RIMS2: variants seen among roughly 807,000 people sequenced by gnomAD.
RIMS2 encodes the protein regulating synaptic membrane exocytosis protein 2.
RIMS2 carries 59 observed loss-of-function variants against 174.4 expected under a neutral mutation model. The ratio of observed to expected loss-of-function variants is 0.34; its 90% CI spans 0.27 to 0.42. The LOEUF is 0.42. Among genes scored for constraint, RIMS2 ranks in the 10% least tolerant of loss-of-function variants. The pLI, the probability that RIMS2 is intolerant of heterozygous loss-of-function variation, is 1.00. For synonymous variants in RIMS2, 606 were observed against 572.5 expected, an observed-to-expected ratio of 1.06 and a Z score of -0.84; for missense variants, 1,620 against 1,666.3, an observed-to-expected ratio of 0.97 and a Z score of 0.48.
At chr8:103,832,321 T>C (rs868124343) in intron 3 of RIMS2, among the ~76,000 whole-genome samples, 1 of 152,228 alleles carries the variant, frequency 6.6e-6, no homozygotes, top group Non-Finnish European at 1.5e-5. Flanking sequence ...GGTTTTCTTC[T>C]ACTTTTGTTT....
In RIMS2 at chr8:104,249,718, C is replaced by G. The variant is rs1447063; in HGVS notation, c.3691+130C>G. 107,075 of 597,884 alleles carry G rather than the reference C, an allele frequency of 0.18. 11,632 individuals carry two copies. The highest frequency in any genetic ancestry group is 0.23 in the Non-Finnish European group (76,882 of 333,764). The allele number at this position is 597,884 out of a possible 1,614,324, so 37.0% of individuals were successfully genotyped here. On this transcript the variant is annotated intron_variant, in intron 22 of 23. Coordinates refer to ENST00000504942, the Ensembl canonical transcript of RIMS2. Reference sequence around the variant, plus strand: ...TAATGGATGGTCCATTATGACTGGTCTGGTGCTGGAGTCATTTGTGTGTTT... The same window carrying G: ...TAATGGATGGTCCATTATGACTGGTGTGGTGCTGGAGTCATTTGTGTGTTT...
At chr8:103,759,164 C>G (rs1216439631) in intron 2 of RIMS2, among the ~76,000 whole-genome samples, 1 of 152,116 alleles carries the variant, frequency 6.6e-6, no homozygotes, top group East Asian at 1.9e-4. Context: ...ATCTTTTACT[C>G]TTATTATTAT....
chr8:103,725,143 C>G (rs539710015), intron 2 of RIMS2, among the ~76,000 whole-genome samples: 2 of 152,306 alleles, frequency 1.3e-5, no homozygotes, highest in South Asian at 4.1e-4. Context: ...CCCCCACCCC[C>G]ACATTTGTTA....
At chr8:103,819,325 T>G in intron 3 of RIMS2, 4 of 1,438,596 alleles carry the variant, frequency 2.8e-6, no homozygotes, top group Non-Finnish European at 3.6e-6. Flanking sequence ...TACGACTGAA[T>G]TAGAAGAATA....
chr8:103,654,011 A>T (rs1004094097), intron 1 of RIMS2, among the ~76,000 whole-genome samples: 23 of 152,206 alleles, frequency 1.5e-4, no homozygotes, highest in African/African-American at 5.1e-4. Flanking sequence ...ATTAAATTTA[A>T]CAATTGCTTT....
At chr8:103,601,742 T>G (rs944675745) in intron 1 of RIMS2, among the ~76,000 whole-genome samples, 3 of 152,098 alleles carry the variant, frequency 2.0e-5, no homozygotes, top group Non-Finnish European at 4.4e-5. Flanking sequence ...CTTTCCTGTC[T>G]TTTTTAGTGA....
chr8:103,673,281 T>C (rs2096767698), intron 1 of RIMS2, among the ~76,000 whole-genome samples: 1 of 152,180 alleles, frequency 6.6e-6, no homozygotes, highest in Non-Finnish European at 1.5e-5. Context: ...TGGAGGATGG[T>C]GGTCCCTTTC....
At chr8:103,500,692 C>T (rs1819243175), upstream of RIMS2, 2 of 534,674 alleles carry the variant, frequency 3.7e-6, no homozygotes, top group Non-Finnish European at 3.3e-6. Flanking sequence ...CACTCCTCAG[C>T]CCTCCTTCCC....
chr8:103,530,000 G>A (rs906617893), intron 1 of RIMS2, among the ~76,000 whole-genome samples: 5 of 152,226 alleles, frequency 3.3e-5, no homozygotes, highest in African/African-American at 1.2e-4. Flanking sequence ...AAAGCTAGAA[G>A]TGGAGAAAGG....
intron 15 of RIMS2, among the ~76,000 whole-genome samples, chr8:103,966,245 G>T (rs1029223800): frequency 6.6e-6 from 1 of 151,986 alleles, no homozygotes; most frequent in East Asian, 1.9e-4. Flanking sequence ...CCAGTGAATC[G>T]ATCTAAACTG....
chr8:103,817,480 T>C (rs1399630422), intron 3 of RIMS2, among the ~76,000 whole-genome samples: 1 of 152,186 alleles, frequency 6.6e-6, no homozygotes, highest in Non-Finnish European at 1.5e-5. Context: ...TGTGTGATGT[T>C]TAATTCAATA....
intron 16 of RIMS2, among the ~76,000 whole-genome samples, chr8:103,982,114 T>C (rs1288303495): frequency 6.6e-6 from 1 of 152,158 alleles, no homozygotes; most frequent in Non-Finnish European, 1.5e-5. Context: ...AATTAGTGGC[T>C]GCTGTGAGCA....
At chr8:103,624,987 A>G (rs544614369) in intron 1 of RIMS2, among the ~76,000 whole-genome samples, 3 of 152,240 alleles carry the variant, frequency 2.0e-5, no homozygotes, top group Non-Finnish European at 4.4e-5. Flanking sequence ...TAAAAACAGC[A>G]TTTTTACTTT....
chr8:103,711,567 G>A lies in RIMS2; in HGVS notation c.387+14271G>A, dbSNP rs112479374. Among the ~76,000 whole-genome samples, 144 of 152,174 alleles carry A rather than the reference G, an allele frequency of 9.5e-4. 1 individual carries two copies. The highest frequency in any genetic ancestry group is 3.1e-3 in the African/African-American group (129 of 41,524). On this transcript the variant is annotated intron_variant, in intron 2 of 23. Coordinates refer to ENST00000504942, the Ensembl canonical transcript of RIMS2. ...AGTAGACATTTGCCATATATATTCCGTGTATAAGCTAAATATGCAGCTCCA... is the reference window on the plus strand; with the variant it reads ...AGTAGACATTTGCCATATATATTCCATGTATAAGCTAAATATGCAGCTCCA...
intron 4 of RIMS2, 117 bp downstream of exon 7, chr8:103,886,340 T>C (rs561645087): frequency 1.2e-6 from 1 of 834,556 alleles, no homozygotes; most frequent in Admixed American, 3.0e-5. Context: ...TTTAAAAGTC[T>C]TTTAATGGCA....
chr8:104,052,138 G>A (rs1411434099), intron 19 of RIMS2, among the ~76,000 whole-genome samples: 1 of 152,092 alleles, frequency 6.6e-6, no homozygotes, highest in Non-Finnish European at 1.5e-5. Flanking sequence ...TTTTTAGGGT[G>A]ATAGAAATAC....
chr8:103,916,086 T>C (rs1009246014), intron 7 of RIMS2, among the ~76,000 whole-genome samples: 9 of 152,016 alleles, frequency 5.9e-5, no homozygotes, highest in Non-Finnish European at 8.8e-5. Flanking sequence ...GTTGCACATA[T>C]ATTGAGAAAC....
intron 19 of RIMS2, among the ~76,000 whole-genome samples, chr8:104,128,893 T>C (rs2098452456): frequency 6.6e-6 from 1 of 152,070 alleles, no homozygotes; most frequent in East Asian, 1.9e-4. Context: ...AGGAAAAAAA[T>C]ATATTTGTTG....
intron 19 of RIMS2, among the ~76,000 whole-genome samples, chr8:104,168,629 A>G (rs1274723256): frequency 1.3e-5 from 2 of 151,952 alleles, no homozygotes; most frequent in Non-Finnish European, 2.9e-5. Context: ...CTCTTTTCCA[A>G]TTCAAATGCC....
Sources: gnomAD v4.1 joint callset for allele counts (sites outside exome capture counted in the v4.1 genomes callset) on GRCh38, gnomAD v4.1.1 for gene constraint, MANE v1.5 for transcripts, NCBI Gene and HGNC (gene_info 2026-07-23, HGNC 2026-07-21) for gene names.